Variants in SP110 observed in about 807,000 individuals in gnomAD.
SP110 encodes interferon-induced protein 41, 30kD.
Under a neutral mutation model 92.7 loss-of-function variants are expected in SP110, and 62 were observed. The observed-to-expected ratio is 0.67, with a 90% confidence interval of 0.55 to 0.83. The LOEUF (loss-of-function observed/expected upper bound fraction) is 0.83. Ranked by LOEUF, SP110 falls within the 40% of genes least tolerant of loss-of-function variation. The pLI is 0.00. For missense variants in SP110, 793 were observed against 863.9 expected, an observed-to-expected ratio of 0.92 and a Z score of 1.03; for synonymous variants, 273 against 305.3, an observed-to-expected ratio of 0.89 and a Z score of 1.10.
intron 18 of SP110, among the ~76,000 whole-genome samples, chr2:230,170,364 C>T (rs994124003): frequency 4.6e-5 from 7 of 151,896 alleles, no homozygotes; most frequent in South Asian, 2.1e-4. Flanking sequence ...TCGTTGGGAG[C>T]GAGCTGCCGA....
Position 230,212,843 on chromosome 2 carries a change from A to G in SP110, c.501T>C (p.Asp167=). Reference sequence around the variant, plus strand: ...GGCTGGGCGACTCACTCAGGATCTCATCGCTTTGCTGGGAGGATGTTCCAG... The same window carrying G: ...GGCTGGGCGACTCACTCAGGATCTCGTCGCTTTGCTGGGAGGATGTTCCAG... ...SEPGTSSQQS[D]EILSESPSPS... is the part of the protein sequence containing the mutation. The change falls in exon 4 of 19, where the codon GAT becomes GAC. Residue 167 remains aspartate, a synonymous_variant. Transcript: ENST00000258381. 6.2e-7 allele frequency: 1 copy of G among 1,604,748 alleles called. No individual in the cohort carries two copies. The highest frequency in any genetic ancestry group is 8.5e-7 in the Non-Finnish European group (1 of 1,171,690).
At chr2:230,173,925 G>C (rs2041730081) in intron 14 of SP110, 1 of 152,244 alleles carries the variant, frequency 6.6e-6, no homozygotes, top group African/African-American at 2.4e-5. Flanking sequence ...GGCTACCACG[G>C]GGTACCTCGA....
At chr2:230,181,042 C>T (rs10168057) in intron 12 of SP110, among the ~76,000 whole-genome samples, 3 of 152,212 alleles carry the variant, frequency 2.0e-5, no homozygotes, top group East Asian at 3.9e-4. Context: ...AAGTAATGTA[C>T]ACATTTATAT....
intron 7 of SP110, among the ~76,000 whole-genome samples, chr2:230,209,573 G>T (rs1215518957): frequency 6.6e-6 from 1 of 152,186 alleles, no homozygotes; most frequent in Non-Finnish European, 1.5e-5. Flanking sequence ...GTGATGGATG[G>T]CAGAGAATGC....
chr2:230,188,566 G>C (rs923664446), intron 10 of SP110, among the ~76,000 whole-genome samples: 5 of 152,110 alleles, frequency 3.3e-5, no homozygotes, highest in Admixed American at 3.3e-4. Flanking sequence ...TCTTATTCCA[G>C]TTCTCCAGGG....
At chr2:230,216,387 A>G (rs2045177280) in intron 2 of SP110, among the ~76,000 whole-genome samples, 1 of 152,222 alleles carries the variant, frequency 6.6e-6, no homozygotes, top group African/African-American at 2.4e-5. Context: ...AGAGTGATGC[A>G]TCTACAAGGC....
intron 12 of SP110, among the ~76,000 whole-genome samples, chr2:230,183,211 G>T (rs2042204613): frequency 6.6e-6 from 1 of 152,210 alleles, no homozygotes; most frequent in Non-Finnish European, 1.5e-5. Flanking sequence ...ACAGGAAAAG[G>T]AACGAGAACA....
At chr2:230,171,841 GCA>G in intron 16 of SP110, 74 bp from the exon 17 acceptor site, 1 of 1,160,406 alleles carries the variant, frequency 8.6e-7, no homozygotes, top group Non-Finnish European at 1.3e-6. Context: ...GTCTAGACAT[GCA>G]CACGGATGGG....
At position 230,182,627 on chromosome 2, in the gene SP110, G is replaced by A. The variant is rs75063223; in HGVS notation, c.1348+945C>T. On this transcript the variant is annotated intron_variant, in intron 12 of 18. Coordinates refer to ENST00000258381, the MANE Select transcript of SP110 (RefSeq NM_080424.4). ...GGTATCTGGTGACCTATGCTGTGAG[G>A]AATCAGGCTGGTGTGACCCTAGAGA... Among the ~76,000 whole-genome samples the A allele has an allele frequency of 4.8e-3, 736 of 152,210 alleles. 5 individuals are homozygous for A. The highest frequency in any genetic ancestry group is 0.016 in the African/African-American group (658 of 41,508).
chr2:230,183,992 C>T (rs983305030), intron 11 of SP110, among the ~76,000 whole-genome samples: 1 of 152,150 alleles, frequency 6.6e-6, no homozygotes, highest in Non-Finnish European at 1.5e-5. Flanking sequence ...GTAGTGCCCA[C>T]CCCTGCAGAT....
chr2:230,212,784 A>T lies in SP110; in HGVS notation c.560T>A (p.Ile187Asn). 2 of 1,614,092 alleles carry T rather than the reference A, an allele frequency of 1.2e-6. No individual in the cohort carries two copies. Among genetic ancestry groups the T allele is most frequent in the South Asian group, 2.2e-5 (2 of 91,076 alleles). ...ACCTGAAGTGCTTCTTCCTTCCTGG[A>T]TGAGTGCAGGGAGAGGCAGGACAGG... ...SDPVLPLPAL[I>N]QEGRSTSVTN... is the part of the protein sequence containing the mutation. Residue 187 changes from isoleucine (I) to asparagine (N), a missense_variant, in exon 4 of 19, where the codon ATC (isoleucine) becomes AAC (asparagine). Ile to Asn is a moderately radical substitution (Grantham distance 149). Coordinates refer to ENST00000258381, the MANE Select transcript of SP110 (RefSeq NM_080424.4).
At chr2:230,179,539 T>C (rs2396718) in intron 12 of SP110, among the ~76,000 whole-genome samples, 10,157 of 151,090 alleles carry the variant, frequency 0.067, 414 homozygotes, top group Middle Eastern at 0.1. Context: ...TGCAACTTAC[T>C]AGAAGGATTA....
At chr2:230,178,480 G>A (rs1024021374) in intron 12 of SP110, among the ~76,000 whole-genome samples, 3 of 151,482 alleles carry the variant, frequency 2.0e-5, no homozygotes, top group Non-Finnish European at 4.4e-5. Context: ...AAACATTTTA[G>A]TGGAACATAT....
intron 11 of SP110, among the ~76,000 whole-genome samples, chr2:230,184,847 C>A (rs1243495496): frequency 1.3e-5 from 2 of 152,116 alleles, no homozygotes; most frequent in Admixed American, 1.3e-4. Flanking sequence ...TCACGATCCT[C>A]CCAAATCTCA....
chr2:230,173,999 A>C (rs1574595334), intron 14 of SP110: 1 of 152,322 alleles, frequency 6.6e-6, no homozygotes, highest in East Asian at 1.9e-4. Flanking sequence ...ATTCTCTAGG[A>C]GTACAGGTGT....
In SP110 at chr2:230,208,044, CT is replaced by C; in HGVS notation, c.844del (p.Arg282AspfsTer50). On this transcript the variant is annotated frameshift_variant, in exon 8 of 19. Transcript: ENST00000258381. LOFTEE classifies it high-confidence loss of function. ...PSDKKGKKRKRCIWSTPKRRH... is the reference protein window; with the variant it reads ...PSDKKGKKRKXCIWSTPKRRH... ...CCTTTTTGGAGTTGACCAGATACAT[CT>C]TTTTCTTTTCTTTCCTAAAAAGAAA... The C allele has an allele frequency of 1.3e-6, 2 of 1,553,000 alleles. No individual in the cohort carries two copies. The highest frequency in any genetic ancestry group is 1.8e-6 in the Non-Finnish European group (2 of 1,126,788).
chr2:230,218,195 A>G (rs1385086693), intron 1 of SP110, among the ~76,000 whole-genome samples: 1 of 152,262 alleles, frequency 6.6e-6, no homozygotes, highest in African/African-American at 2.4e-5. Flanking sequence ...CAGAACAAAC[A>G]TGGATTCCAC....
intron 10 of SP110, among the ~76,000 whole-genome samples, chr2:230,200,083 A>G (rs958539029): frequency 1.3e-5 from 2 of 152,256 alleles, no homozygotes; most frequent in Non-Finnish European, 2.9e-5. Flanking sequence ...TTGAAATACT[A>G]CTAGATAAGC....
intron 14 of SP110, among the ~76,000 whole-genome samples, chr2:230,176,907 T>A (rs1334859826): frequency 6.6e-6 from 1 of 152,218 alleles, no homozygotes; most frequent in African/African-American, 2.4e-5. Flanking sequence ...CCTCACTTAG[T>A]GATAAAATCA....
Sources: allele counts gnomAD v4.1 joint callset (sites outside exome capture counted in the v4.1 genomes callset), GRCh38; gene constraint gnomAD v4.1.1; transcripts MANE v1.5; gene names NCBI Gene and HGNC (gene_info 2026-07-23, HGNC 2026-07-21).